Variants in AHR observed in about 807,000 individuals in gnomAD.
The protein encoded by AHR is AH-receptor.
AHR carries 40 observed loss-of-function variants against 86.8 expected under a neutral mutation model. The ratio of observed to expected loss-of-function variants is 0.46; its 90% CI spans 0.36 to 0.60. The LOEUF (loss-of-function observed/expected upper bound fraction) is 0.60, where lower values mean the gene tolerates loss of function less well. Ranked by LOEUF, AHR falls within the 20% of genes least tolerant of loss-of-function variation. The pLI, the probability that AHR is intolerant of heterozygous loss-of-function variation, is 0.00. For synonymous variants in AHR, 398 were observed against 354.9 expected (o/e 1.12, Z -1.37); for missense variants, 1,001 against 1,011.6 (o/e 0.99, Z 0.14).
chr7:17,306,413 A>T (rs553617657), intron 1 of AHR, among the ~76,000 whole-genome samples: 1 of 152,308 alleles, frequency 6.6e-6, no homozygotes, highest in East Asian at 1.9e-4. Flanking sequence ...TAAAAGCTTC[A>T]AATCCAGTAC....
intron 2 of AHR, 49 bp from the exon 3 acceptor site, chr7:17,322,452 T>A (rs2115359370): frequency 7.9e-7 from 1 of 1,270,040 alleles, no homozygotes; most frequent in East Asian, 2.4e-5. Context: ...ATTATAGCTC[T>A]TTACTCTTGC....
intron 8 of AHR, 106 bp from the exon 9 acceptor site, chr7:17,335,539 T>C: frequency 3.3e-6 from 3 of 907,056 alleles, no homozygotes; most frequent in Non-Finnish European, 4.7e-6. Flanking sequence ...TCTTTGGGGA[T>C]AAAGGAAATA....
chr7:17,326,634 A>T (rs1782233398), intron 3 of AHR, among the ~76,000 whole-genome samples: 1 of 152,174 alleles, frequency 6.6e-6, no homozygotes, highest in African/African-American at 2.4e-5. Flanking sequence ...GTTAGGTGGG[A>T]TATCGTCATT....
rs1782474346 is a variant in AHR at position 17,345,546 on chromosome 7, A to T, written c.*2482A>T. On this transcript the variant is annotated 3_prime_UTR_variant, in exon 11 of 11. Transcript: ENST00000242057. ...AGGTCTAGATTAATACTCTATTTTT[A>T]CATTTAAACCTTTTATTATAAGTCT... 1 of 152,650 alleles carries T rather than the reference A, an allele frequency of 6.6e-6. No individual in the cohort carries two copies. The highest frequency in any genetic ancestry group is 2.1e-4 in the South Asian group (1 of 4,834). 9.5% of individuals were successfully genotyped at this position (152,650 alleles called of 1,614,324 possible).
intron 6 of AHR, among the ~76,000 whole-genome samples, chr7:17,331,445 C>G (rs1328215863): frequency 6.6e-6 from 1 of 151,786 alleles, no homozygotes; most frequent in Non-Finnish European, 1.5e-5. Flanking sequence ...GAAAACTGTT[C>G]TTTAGGATAT....
rs1236890445 is a variant in AHR, at chr7:17,343,774, A to G, written c.*710A>G. ...CATATTTTAACTCCACTGCTTACCT[A>G]CTTTCTTCAGGTAAAGGGCAAATAA... On this transcript the variant is annotated 3_prime_UTR_variant, in exon 11 of 11. Transcript: ENST00000242057. 7 of 152,610 alleles carry G rather than the reference A, an allele frequency of 4.6e-5. No individual in the cohort carries two copies. In the East Asian group the frequency reaches 1.1e-3, roughly 25 times the overall value. The allele number at this position is 152,610 out of a possible 1,614,324, so 9.5% of individuals were successfully genotyped here. A position where few individuals can be genotyped will look rare whatever the true frequency, so the allele number is the denominator to read the frequency against.
chr7:17,316,377 G>T (rs966130929), intron 2 of AHR, among the ~76,000 whole-genome samples: 3 of 152,136 alleles, frequency 2.0e-5, no homozygotes, highest in Non-Finnish European at 2.9e-5. Context: ...CCAGCATTTT[G>T]AGAAGCCAAA....
chr7:17,323,205 T>C (rs559696833), intron 3 of AHR, among the ~76,000 whole-genome samples: 1 of 152,166 alleles, frequency 6.6e-6, no homozygotes, highest in Non-Finnish European at 1.5e-5. Flanking sequence ...TTAGAGGTTC[T>C]AATTTAAGAT....
intron 1 of AHR, among the ~76,000 whole-genome samples, chr7:17,306,191 A>G (rs1782003603): frequency 6.6e-6 from 1 of 152,164 alleles, no homozygotes; most frequent in Non-Finnish European, 1.5e-5. Flanking sequence ...TCCTTTCTTA[A>G]AGATTCGAAG....
intron 2 of AHR, among the ~76,000 whole-genome samples, chr7:17,321,358 A>G (rs1782170402): frequency 6.6e-6 from 1 of 151,940 alleles, no homozygotes; most frequent in African/African-American, 2.4e-5. Flanking sequence ...GATGTGCTTT[A>G]AAATTTTTTT....
At position 17,330,769 on chromosome 7, in the gene AHR, C is replaced by A. The variant is rs371991449; in HGVS notation, c.588C>A (p.Leu196=). Residue 196 remains leucine (L), a synonymous_variant, in exon 6 of 11, where the codon CTC becomes CTA. Transcript: ENST00000242057. ...SGQGIEEATG[L]PQTVVCYNPD... is the part of the protein sequence containing the mutation. ...TTATTTCTACAGAAGCCACTGGTCTCCCCCAGACAGTAGTCTGTTATAACC... is the reference window on the plus strand; with the variant it reads ...TTATTTCTACAGAAGCCACTGGTCTACCCCAGACAGTAGTCTGTTATAACC... 2 of 1,608,934 alleles carry A rather than the reference C, an allele frequency of 1.2e-6. No individual in the cohort carries two copies. The highest frequency in any genetic ancestry group is 2.2e-5 in the South Asian group (2 of 90,460).
chr7:17,309,948 C>T lies in AHR; in HGVS notation c.78C>T (p.Ile26=). 3.2e-6 allele frequency: 5 copies of T among 1,580,212 alleles called. No homozygotes were observed. Among genetic ancestry groups the T allele is most frequent in the Non-Finnish European group, 4.3e-6 (5 of 1,156,346 alleles). ...GTTTGTTTTTCAGAGTAAAGCCAAT[C>T]CCAGCTGAAGGAATCAAGTCAAATC... The part of the protein sequence containing the change: ...RKPVQKTVKP[I]PAEGIKSNPS... The change falls in exon 2 of 11, where the codon ATC becomes ATT. Residue 26 remains isoleucine (I), a synonymous_variant. Coordinates refer to ENST00000242057, the MANE Select transcript of AHR (RefSeq NM_001621.5).
At chr7:17,341,525 A>T (rs1782423890) in intron 10 of AHR, among the ~76,000 whole-genome samples, 1 of 152,158 alleles carries the variant, frequency 6.6e-6, no homozygotes, top group African/African-American at 2.4e-5. Context: ...CTATAGACCT[A>T]CATATGTTCC....
At chr7:17,325,825 C>T (rs1159497821) in intron 3 of AHR, among the ~76,000 whole-genome samples, 1 of 152,052 alleles carries the variant, frequency 6.6e-6, no homozygotes, top group East Asian at 1.9e-4. Flanking sequence ...GAGAGAGGAT[C>T]AGGAAAAATA....
rs1436775766 is a variant in AHR, at chr7:17,299,233, CG to C, written c.-28del. The C allele has an allele frequency of 3.1e-6, 5 of 1,606,358 alleles. No individual in the cohort carries two copies. Among genetic ancestry groups the C allele is most frequent in the East Asian group, 2.3e-5 (1 of 44,286 alleles). On this transcript the variant is annotated 5_prime_UTR_variant, in exon 1 of 11. Coordinates refer to ENST00000242057, the MANE Select transcript of AHR (RefSeq NM_001621.5). ...TTCCGGGGACCCGGCCGCCAGTGCC[CG>C]GGGAGTAGCCGCCGCCGTCGGCTGG...
chr7:17,314,869 T>C (rs1782100014), intron 2 of AHR, among the ~76,000 whole-genome samples: 1 of 152,028 alleles, frequency 6.6e-6, no homozygotes, highest in Admixed American at 6.6e-5. Context: ...TCATAGCAAA[T>C]GTTATTTCTT....
intron 9 of AHR, among the ~76,000 whole-genome samples, chr7:17,338,152 T>A (rs1782375254): frequency 6.8e-6 from 1 of 146,558 alleles, no homozygotes; most frequent in East Asian, 2.0e-4. Flanking sequence ...TGAGCCGAGA[T>A]CGCGCCACTG....
intron 7 of AHR, 85 bp from the exon 8 acceptor site, chr7:17,334,802 C>T (rs114930376): frequency 4.2e-5 from 40 of 953,072 alleles, no homozygotes; most frequent in African/African-American, 3.3e-4. Context: ...CAGAAACTAG[C>T]GTAAAACCAA....
chr7:17,304,156 G>T (rs746305825), intron 1 of AHR, among the ~76,000 whole-genome samples: 13 of 152,002 alleles, frequency 8.6e-5, no homozygotes, highest in Non-Finnish European at 1.8e-4. Context: ...GATTTTAAAA[G>T]TCAATTATAT....
Sources: gnomAD v4.1 joint callset for allele counts (sites outside exome capture counted in the v4.1 genomes callset) on GRCh38, gnomAD v4.1.1 for gene constraint, MANE v1.5 for transcripts, NCBI Gene and HGNC (gene_info 2026-07-23, HGNC 2026-07-21) for gene names.